The following BRIP1 variants were observed in gnomAD, a reference collection of about 807,000 sequenced individuals.
BRIP1 encodes BRCA1 interacting DNA helicase 1, also known as Fanconi anemia group J protein.
In BRIP1, 88 loss-of-function variants were observed where a neutral mutation model predicts 119.7. That is an observed-to-expected ratio of 0.74 (90% CI 0.62 to 0.88). The LOEUF is 0.88. BRIP1 is among the 40% of genes least tolerant of loss of function. The pLI is 0.00. For synonymous variants in BRIP1, 443 were observed against 496.5 expected (o/e 0.89, Z 1.43); for missense variants, 1,259 against 1,455.4 (o/e 0.87, Z 2.20).
At position 61,853,078 on chromosome 17, in the gene BRIP1, C is replaced by T. The variant is rs1246749758; in HGVS notation, c.380-3822G>A. On this transcript the variant is annotated intron_variant, in intron 4 of 19. Transcript: ENST00000259008. The surrounding 1 kb of genome is among the most constrained non-coding windows in gnomAD (Gnocchi z 4.3). ...AAACAATACTGAAAACAACCCAATG[C>T]CTAACAACTGTAGAACAGATTAATA... Among the ~76,000 whole-genome samples the T allele has an allele frequency of 6.6e-6, 1 of 152,052 alleles. No homozygotes were observed. The highest frequency in any genetic ancestry group is 1.5e-5 in the Non-Finnish European group (1 of 68,030).
rs935281557 is a variant in BRIP1 at position 61,680,362 on chromosome 17, A to C, written c.*2934T>G. On this transcript the variant is annotated 3_prime_UTR_variant, in exon 20 of 20. Transcript: ENST00000259008. The stretch of plus-strand genomic sequence containing the variant: ...GCAAGACTGTCTAAAACAAACAAAC[A>C]AAAACATATCTAGCTAGGGAAAGGG... Among the ~76,000 whole-genome samples the C allele has an allele frequency of 6.6e-6, 1 of 151,936 alleles. No homozygotes were observed. The highest frequency in any genetic ancestry group is 1.5e-5 in the Non-Finnish European group (1 of 67,976).
In BRIP1 at chr17:61,762,444, G is replaced by T. The variant is rs868666464; in HGVS notation, c.2097+13957C>A. Among the ~76,000 whole-genome samples the T allele has an allele frequency of 5.3e-5, 8 of 152,074 alleles. No individual in the cohort carries two copies. Among genetic ancestry groups the T allele is most frequent in the African/African-American group, 1.7e-4 (7 of 41,428 alleles). The stretch of plus-strand genomic sequence containing the variant: ...ACAATAAACAAAGTGGCAACCTACA[G>T]ATTGGGAGAAAATATTTACAAGCTA... On this transcript the variant is annotated intron_variant, in intron 14 of 19. Transcript: ENST00000259008. The surrounding 1 kb of genome is among the most constrained non-coding windows in gnomAD (Gnocchi z 4.3).
At chr17:61,712,200 C>A (rs1470798658) in intron 17 of BRIP1, among the ~76,000 whole-genome samples, 1 of 152,006 alleles carries the variant, frequency 6.6e-6, no homozygotes, top group Non-Finnish European at 1.5e-5. Context: ...ATCATGTTTT[C>A]ATGATTTTAC....
At chr17:61,786,935 A>ATTTATATATAAAAATATATATTTAT (rs1555604355) in intron 10 of BRIP1, among the ~76,000 whole-genome samples, 1 of 6,882 alleles carries the variant, frequency 1.5e-4, no homozygotes, top group African/African-American at 1.1e-3. Flanking sequence ...ATTTATATAT[A>ATTTATATATAAAAATATATATTTAT]ATATATTTAT....
rs1034598319 is a variant in BRIP1, at chr17:61,846,989, G to C, written c.627+112C>G. 24 of 1,319,182 alleles carry C rather than the reference G, an allele frequency of 1.8e-5. No homozygotes were observed. Among genetic ancestry groups the C allele is most frequent in the Non-Finnish European group, 2.6e-5 (24 of 933,920 alleles). The allele number at this position is 1,319,182 out of a possible 1,614,324, so 81.7% of individuals were successfully genotyped here. A position where few individuals can be genotyped will look rare whatever the true frequency, so the allele number is the denominator to read the frequency against. ...ATGTGACAGCATTGAGGACTTCTGA[G>C]TGGGTTGCTACTGTCCTTTGTATTA... On this transcript the variant is annotated intron_variant, in intron 6 of 19. Transcript: ENST00000259008. The surrounding 1 kb of genome is among the most constrained non-coding windows in gnomAD (Gnocchi z 4.3).
intron 17 of BRIP1, among the ~76,000 whole-genome samples, chr17:61,694,799 G>T (rs897354610): frequency 1.3e-5 from 2 of 151,114 alleles, no homozygotes; most frequent in Non-Finnish European, 3.0e-5. Flanking sequence ...CATTTTTTAC[G>T]TGCTTACTGG....
rs2078770760 is a variant in BRIP1, at chr17:61,848,738, T to C, written c.507+391A>G. Among the ~76,000 whole-genome samples the C allele has an allele frequency of 6.6e-6, 1 of 152,136 alleles. No homozygotes were observed. Among genetic ancestry groups the C allele is most frequent in the Non-Finnish European group, 1.5e-5 (1 of 68,014 alleles). On this transcript the variant is annotated intron_variant, in intron 5 of 19. Coordinates refer to ENST00000259008, the MANE Select transcript of BRIP1 (RefSeq NM_032043.3). The surrounding 1 kb of genome is among the most constrained non-coding windows in gnomAD (Gnocchi z 4.3). ...ACATCTTGTCATTACATTAAAACTA[T>C]CAATTCCAAAATATCCATAACATGA...
intron 10 of BRIP1, among the ~76,000 whole-genome samples, chr17:61,790,086 G>A (rs2077792344): frequency 6.6e-6 from 1 of 152,108 alleles, no homozygotes; most frequent in African/African-American, 2.4e-5. Flanking sequence ...ATGTTCCTTT[G>A]TGCCCCTTCT....
At chr17:61,772,196 T>TATAAATATATATATA in intron 14 of BRIP1, among the ~76,000 whole-genome samples, 2 of 105,008 alleles carry the variant, frequency 1.9e-5, no homozygotes, top group East Asian at 5.7e-4. Flanking sequence ...TATATATATA[T>TATAAATATATATATA]ATATATATAT....
Position 61,857,732 on chromosome 17 carries a change from A to C in BRIP1, c.206-501T>G, listed in dbSNP as rs1286671117. On this transcript the variant is annotated intron_variant, in intron 3 of 19. Transcript: ENST00000259008. This position sits in a 1 kb window ranked among gnomAD's most constrained non-coding sequence, Gnocchi z 5.1. ...GAGCAAGACTCTGTTTCAAAAACCA[A>C]AACAAAAACATTTATAGGGAAATTA... Among the ~76,000 whole-genome samples, 1 of 152,278 alleles carries C rather than the reference A, an allele frequency of 6.6e-6. No homozygotes were observed. Among genetic ancestry groups the C allele is most frequent in the East Asian group, 1.9e-4 (1 of 5,192 alleles).
rs1225550068 is a variant in BRIP1 at position 61,815,605 on chromosome 17, T to G, written c.628-6848A>C. On this transcript the variant is annotated intron_variant, in intron 6 of 19. Coordinates refer to ENST00000259008, the MANE Select transcript of BRIP1 (RefSeq NM_032043.3). This position sits in a 1 kb window ranked among gnomAD's most constrained non-coding sequence, Gnocchi z 4.1. ...AAAATACTCAGTTCACTAATGTATA[T>G]TTCTAACTTCATTTTACAGATAAAA... 2.6e-5 allele frequency among the ~76,000 whole-genome samples: 4 copies of G among 152,164 alleles called. No homozygotes were observed. The highest frequency in any genetic ancestry group is 5.9e-5 in the Non-Finnish European group (4 of 68,006).
At chr17:61,783,660 C>T (rs2145128414) in intron 11 of BRIP1, among the ~76,000 whole-genome samples, 1 of 151,898 alleles carries the variant, frequency 6.6e-6, no homozygotes, top group African/African-American at 2.4e-5. Flanking sequence ...TTCCACAGTT[C>T]ATACAATAAA....
Position 61,700,082 on chromosome 17 carries a change from T to C in BRIP1, c.2493-6570A>G, listed in dbSNP as rs1324700818. 4.6e-5 allele frequency among the ~76,000 whole-genome samples: 7 copies of C among 152,178 alleles called. No individual in the cohort carries two copies. In the East Asian group the frequency reaches 1.3e-3, roughly 29 times the overall value. ...CACTGTAATAAATCCTAGCCATGTA[T>C]ACAGTTATATCCTGAGGCTATCTAA... On this transcript the variant is annotated intron_variant, in intron 17 of 19. Coordinates refer to ENST00000259008, the MANE Select transcript of BRIP1 (RefSeq NM_032043.3). This position sits in a 1 kb window ranked among gnomAD's most constrained non-coding sequence, Gnocchi z 4.1.
rs2077166215 is a variant in BRIP1, at chr17:61,753,834, T to C, written c.2098-9243A>G. Among the ~76,000 whole-genome samples the C allele has an allele frequency of 6.6e-6, 1 of 151,972 alleles. No homozygotes were observed. The highest frequency in any genetic ancestry group is 2.4e-5 in the African/African-American group (1 of 41,376). On this transcript the variant is annotated intron_variant, in intron 14 of 19. Transcript: ENST00000259008. This position sits in a 1 kb window ranked among gnomAD's most constrained non-coding sequence, Gnocchi z 4.6. ...GGTCTTGCTGTGTTGCCAAGGCTGG[T>C]CTCAAACTCCTGGACTCAAGCACTC...
intron 2 of BRIP1, 58 bp from the exon 3 acceptor site, chr17:61,859,965 T>C: frequency 8.2e-7 from 1 of 1,220,572 alleles, no homozygotes; most frequent in Non-Finnish European, 1.2e-6. Context: ...AAGGTCTCTC[T>C]CCATCTGAAG....
Position 61,795,510 on chromosome 17 carries a change from C to T in BRIP1, c.1341-1781G>A, listed in dbSNP as rs1052752584. ...ATAAGTGAGAATATGTGATATTTGTCTTTTTGTGCCTGGCTTATTTCACTT... is the reference window on the plus strand; with the variant it reads ...ATAAGTGAGAATATGTGATATTTGTTTTTTTGTGCCTGGCTTATTTCACTT... On this transcript the variant is annotated intron_variant, in intron 9 of 19. Transcript: ENST00000259008. This position sits in a 1 kb window ranked among gnomAD's most constrained non-coding sequence, Gnocchi z 5.6. 6.6e-6 allele frequency among the ~76,000 whole-genome samples: 1 copy of T among 151,960 alleles called. No homozygotes were observed. Among genetic ancestry groups the T allele is most frequent in the African/African-American group, 2.4e-5 (1 of 41,384 alleles).
chr17:61,780,377 C>T lies in BRIP1; in HGVS notation c.1819G>A (p.Val607Ile). 6.2e-7 allele frequency: 1 copy of T among 1,610,864 alleles called. No homozygotes were observed. ...AVAFSDINGK[V>I]QTIVLTSGTL... ...CCAGATGTCAAAACAATGGTCTGAA[C>T]TTTGCCATTAATATCTGAAAAGGCC... The change falls in exon 13 of 20, where the codon GTT (valine) becomes ATT (isoleucine). Residue 607 changes from valine to isoleucine, a missense_variant. This residue lies in a region of BRIP1 where 753 missense variants were observed against 891.8 expected (regional missense o/e 0.84). Coordinates refer to ENST00000259008, the MANE Select transcript of BRIP1 (RefSeq NM_032043.3). The surrounding 1 kb of genome is among the most constrained non-coding windows in gnomAD (Gnocchi z 5.4).
chr17:61,801,535 A>G (rs2077994749), intron 7 of BRIP1, 61 bp from the exon 8 acceptor site: 2 of 1,397,472 alleles, frequency 1.4e-6, no homozygotes, highest in South Asian at 2.3e-5. Context: ...GAATAAAATA[A>G]GCTTATCTCA....
At chr17:61,782,698 G>T (rs1017111853) in intron 11 of BRIP1, among the ~76,000 whole-genome samples, 1 of 105,158 alleles carries the variant, frequency 9.5e-6, no homozygotes, top group Non-Finnish European at 1.9e-5. Context: ...GTGGGCAAAA[G>T]ACTTCAATAG....
Sources: gnomAD v4.1 joint callset for allele counts (sites outside exome capture counted in the v4.1 genomes callset) on GRCh38, gnomAD v4.1.1 for gene constraint, gnomAD v4.1.1 regional missense constraint, Gnocchi (gnomAD v3.1) non-coding constraint, MANE v1.5 for transcripts, NCBI Gene and HGNC (gene_info 2026-07-23, HGNC 2026-07-21) for gene names.